The following CHD9 variants were observed in gnomAD, a reference collection of about 807,000 sequenced individuals.
CHD9 encodes the protein chromodomain helicase DNA binding protein 9, also known as ATP-dependent chromatin remodeler CHD9.
A neutral mutation model predicts 316.1 loss-of-function variants in CHD9; 77 were observed. That is an observed-to-expected ratio of 0.24 (90% CI 0.20 to 0.29). The LOEUF (loss-of-function observed/expected upper bound fraction) is 0.29, where lower values mean the gene tolerates loss of function less well. CHD9 is among the 10% of genes least tolerant of loss of function. CHD9 has a pLI of 1.00. For missense variants in CHD9, 2,763 were observed against 3,438.1 expected (o/e 0.80, Z 4.91); for synonymous variants, 1,129 against 1,158.3 (o/e 0.97, Z 0.51).
chr16:53,286,444 A>G (rs2053881797), intron 26 of CHD9, 101 bp downstream of exon 26: 1 of 655,620 alleles, frequency 1.5e-6, no homozygotes, highest in Non-Finnish European at 2.7e-6. Context: ...AGGTAGCAGT[A>G]AGGGAATTGG....
chr16:53,110,397 A>T (rs761519259), intron 1 of CHD9, among the ~76,000 whole-genome samples: 3 of 152,124 alleles, frequency 2.0e-5, no homozygotes, highest in Non-Finnish European at 2.9e-5. Flanking sequence ...AGGAGTTCAA[A>T]ACCAGCCTGG....
Position 53,182,638 on chromosome 16 carries a change from A to AT in CHD9, c.1452+25104dup, listed in dbSNP as rs151223898. On this transcript the variant is annotated intron_variant, in intron 2 of 38. Coordinates refer to ENST00000447540, the MANE Select transcript of CHD9 (RefSeq NM_001308319.2). ...ACAGGTTTGTGTTATAGATGAGCCA[A>AT]TTTTTTTCCATATTTCTGAGTTTTA... is the stretch of plus-strand genomic sequence containing the variant. 1.4e-3 allele frequency among the ~76,000 whole-genome samples: 213 copies of AT among 152,242 alleles called. 6 individuals are homozygous for AT. In the East Asian group the frequency reaches 0.036, roughly 26 times the overall value.
At chr16:53,173,843 CAAAT>C (rs1442986432) in intron 2 of CHD9, among the ~76,000 whole-genome samples, 1 of 152,022 alleles carries the variant, frequency 6.6e-6, no homozygotes, top group African/African-American at 2.4e-5. Context: ...CGTGCCCAGC[CAAAT>C]TTGTTATTTT....
At chr16:53,322,623 A>G (rs1382456029) in intron 38 of CHD9, among the ~76,000 whole-genome samples, 1 of 151,980 alleles carries the variant, frequency 6.6e-6, no homozygotes, top group Non-Finnish European at 1.5e-5. Flanking sequence ...TTAGAAGAAC[A>G]TCTAAAGGGA....
intron 2 of CHD9, among the ~76,000 whole-genome samples, chr16:53,204,047 AAAT>A (rs1215246257): frequency 9.4e-5 from 8 of 85,058 alleles, no homozygotes; most frequent in South Asian, 8.7e-4. Context: ...AAAAAAAAAA[AAAT>A]ATATATATAC....
chr16:53,326,801 A>G lies in CHD9; in HGVS notation c.*1906A>G, dbSNP rs1422017342. On this transcript the variant is annotated 3_prime_UTR_variant, in exon 39 of 39. Coordinates refer to ENST00000447540, the MANE Select transcript of CHD9 (RefSeq NM_001308319.2). The stretch of plus-strand genomic sequence containing the variant: ...CTTAGTTTACCGGTGGAGTATTTCA[A>G]CACCAACCACATTTCCCTTCCTCCC... 1 of 152,240 alleles carries G rather than the reference A, an allele frequency of 6.6e-6. No individual in the cohort carries two copies. Among genetic ancestry groups the G allele is most frequent in the Non-Finnish European group, 1.5e-5 (1 of 67,832 alleles). The allele number at this position is 152,240 out of a possible 1,614,324, so 9.4% of individuals were successfully genotyped here. A position where few individuals can be genotyped will look rare whatever the true frequency, so the allele number is the denominator to read the frequency against.
At chr16:53,121,206 A>G (rs1052942575) in intron 1 of CHD9, 3 of 376,982 alleles carry the variant, frequency 8.0e-6, no homozygotes, top group African/African-American at 6.3e-5. Flanking sequence ...TGTGCCTGAG[A>G]CATCACAGAT....
intron 37 of CHD9, among the ~76,000 whole-genome samples, chr16:53,318,917 A>G (rs570282684): frequency 1.9e-4 from 29 of 152,220 alleles, no homozygotes; most frequent in African/African-American, 6.5e-4. Flanking sequence ...GTCTTTTTCT[A>G]TCAAAATCAT....
chr16:53,081,643 A>G (rs2035026221), intron 1 of CHD9, among the ~76,000 whole-genome samples: 1 of 152,134 alleles, frequency 6.6e-6, no homozygotes, highest in Non-Finnish European at 1.5e-5. Context: ...GCTAGAGTGC[A>G]GTGGCATGAT....
intron 36 of CHD9, among the ~76,000 whole-genome samples, chr16:53,317,750 A>G (rs1285144050): frequency 1.3e-5 from 2 of 152,154 alleles, no homozygotes; most frequent in African/African-American, 2.4e-5. Context: ...TTGATGCAAT[A>G]CTTTTTATTA....
chr16:53,156,923 T>C lies in CHD9; in HGVS notation c.834T>C (p.Ser278=). The C allele has an allele frequency of 6.2e-7, 1 of 1,613,536 alleles. No individual in the cohort carries two copies. The highest frequency in any genetic ancestry group is 8.5e-7 in the Non-Finnish European group (1 of 1,179,524). The change falls in exon 2 of 39, where the codon AGT becomes AGC. Residue 278 remains serine (S), a synonymous_variant. Coordinates refer to ENST00000447540, the MANE Select transcript of CHD9 (RefSeq NM_001308319.2). Reference sequence around the variant, plus strand: ...TTTCTTCACATTATTCCTTTTCCAGTAATCATATATCACCAAACAGTCTAC... The same window carrying C: ...TTTCTTCACATTATTCCTTTTCCAGCAATCATATATCACCAAACAGTCTAC... ...QQFSSHYSFS[S]NHISPNSLLQ... is the part of the protein sequence containing the mutation.
In CHD9 at chr16:53,245,179, A is replaced by G. The variant is rs1414508874; in HGVS notation, c.3055-157A>G. On this transcript the variant is annotated intron_variant, in intron 13 of 38. Transcript: ENST00000447540. This position sits in a 1 kb window ranked among gnomAD's most constrained non-coding sequence, Gnocchi z 4.1. ...GCAAGACCTTGTCTCTAAACAAACA[A>G]ACAAATATATATATATACACACACA... Among the ~76,000 whole-genome samples the G allele has an allele frequency of 6.7e-6, 1 of 149,636 alleles. No homozygotes were observed. The highest frequency in any genetic ancestry group is 1.5e-5 in the Non-Finnish European group (1 of 67,542).
At chr16:53,189,640 T>G (rs1459428856) in intron 2 of CHD9, among the ~76,000 whole-genome samples, 2 of 152,032 alleles carry the variant, frequency 1.3e-5, no homozygotes, top group Non-Finnish European at 2.9e-5. Context: ...CTCTGCAGTT[T>G]GAATTTATGA....
intron 1 of CHD9, among the ~76,000 whole-genome samples, chr16:53,079,236 T>A (rs1465355847): frequency 6.6e-6 from 1 of 152,226 alleles, no homozygotes; most frequent in Non-Finnish European, 1.5e-5. Context: ...GCCATTGGGC[T>A]CCCAGATTGC....
At chr16:53,308,052 C>A (rs768246826) in intron 33 of CHD9, 99 bp downstream of exon 33, 9 of 1,022,162 alleles carry the variant, frequency 8.8e-6, no homozygotes, top group Non-Finnish European at 1.3e-5. Context: ...CCTTCCTTCA[C>A]ATACCTGTTT....
At chr16:53,225,352 T>C (rs1272056430) in intron 4 of CHD9, among the ~76,000 whole-genome samples, 1 of 152,170 alleles carries the variant, frequency 6.6e-6, no homozygotes, top group Non-Finnish European at 1.5e-5. Flanking sequence ...TTGGTTGAGA[T>C]GCCACTACCC....
rs752024625 is a variant in CHD9 at position 53,297,178 on chromosome 16, T to C, written c.5713+20T>C. 2.5e-6 allele frequency: 4 copies of C among 1,583,564 alleles called. No homozygotes were observed. Among genetic ancestry groups the C allele is most frequent in the Non-Finnish European group, 3.4e-6 (4 of 1,159,972 alleles). On this transcript the variant is annotated intron_variant, in intron 30 of 38. Coordinates refer to ENST00000447540, the MANE Select transcript of CHD9 (RefSeq NM_001308319.2). Reference sequence around the variant, plus strand: ...AAGAAGGTATGTATAAAATTTCTTTTTCCTGGTTTCGGTCAAAGAAGCAAA... The same window carrying C: ...AAGAAGGTATGTATAAAATTTCTTTCTCCTGGTTTCGGTCAAAGAAGCAAA...
intron 36 of CHD9, among the ~76,000 whole-genome samples, chr16:53,317,763 A>G (rs980566379): frequency 6.6e-6 from 1 of 152,162 alleles, no homozygotes. Context: ...TTTTATTAAA[A>G]TAATGTTTGG....
chr16:53,261,418 T>G (rs2051116712), intron 19 of CHD9, among the ~76,000 whole-genome samples: 1 of 134,702 alleles, frequency 7.4e-6, no homozygotes, highest in Non-Finnish European at 1.5e-5. Context: ...CAGGCTGGAG[T>G]GCAGTGGTGC....
Sources: allele counts gnomAD v4.1 joint callset (sites outside exome capture counted in the v4.1 genomes callset), GRCh38; gene constraint gnomAD v4.1.1; non-coding constraint Gnocchi (gnomAD v3.1); transcripts MANE v1.5; gene names NCBI Gene and HGNC (gene_info 2026-07-23, HGNC 2026-07-21).